Variants in CLSTN2 observed in about 807,000 individuals in gnomAD.
CLSTN2 encodes the protein calsyntenin-2.
CLSTN2 carries 48 observed loss-of-function variants against 101.2 expected under a neutral mutation model. The ratio of observed to expected loss-of-function variants is 0.47; its 90% CI spans 0.38 to 0.60. The LOEUF is 0.60. Among genes scored for constraint, CLSTN2 ranks in the 20% least tolerant of loss-of-function variants. The pLI is 0.00. For synonymous variants in CLSTN2, 481 were observed against 463.6 expected (o/e 1.04, Z -0.48); for missense variants, 1,160 against 1,238.2 (o/e 0.94, Z 0.95).
In CLSTN2 at chr3:140,165,944, T is replaced by C. The variant is rs151073445; in HGVS notation, c.110-10007T>C. Among the ~76,000 whole-genome samples the C allele has an allele frequency of 6.7e-4, 102 of 152,280 alleles. No homozygotes were observed. In the East Asian group the frequency reaches 0.017, roughly 25 times the overall value. ...ACACCCCACAGAAGGCTGATGAGTC[T>C]GTGAAAAGTGAGCAGGGGATGGGCT... On this transcript the variant is annotated intron_variant, in intron 1 of 16. Coordinates refer to ENST00000458420, the MANE Select transcript of CLSTN2 (RefSeq NM_022131.3).
intron 1 of CLSTN2, among the ~76,000 whole-genome samples, chr3:140,048,890 C>G (rs1359838197): frequency 6.6e-6 from 1 of 152,222 alleles, no homozygotes; most frequent in East Asian, 1.9e-4. Flanking sequence ...CTCTCCCAGA[C>G]TCTCACTTCC....
At chr3:140,123,654 A>C (rs1460785648) in intron 1 of CLSTN2, among the ~76,000 whole-genome samples, 1 of 152,072 alleles carries the variant, frequency 6.6e-6, no homozygotes, top group Non-Finnish European at 1.5e-5. Flanking sequence ...ATTTTTGCAC[A>C]ATTTTGGAGG....
chr3:140,316,329 T>C (rs764580365), intron 2 of CLSTN2, among the ~76,000 whole-genome samples: 10 of 152,176 alleles, frequency 6.6e-5, no homozygotes, highest in Non-Finnish European at 1.3e-4. Context: ...GTGCCAACAA[T>C]GACAGCTGTT....
At chr3:140,524,004 A>AT (rs1935087663) in intron 8 of CLSTN2, among the ~76,000 whole-genome samples, 2 of 152,188 alleles carry the variant, frequency 1.3e-5, no homozygotes, top group African/African-American at 4.8e-5. Context: ...TCTAGTGGGT[A>AT]TTGTAAGCAC....
intron 2 of CLSTN2, among the ~76,000 whole-genome samples, chr3:140,292,424 A>G (rs557253053): frequency 1.2e-4 from 18 of 152,318 alleles, no homozygotes; most frequent in Non-Finnish European, 2.1e-4. Context: ...AGAGCCCCCA[A>G]TGTGCAGGAA....
At chr3:140,171,077 A>G (rs965487567) in intron 1 of CLSTN2, among the ~76,000 whole-genome samples, 2 of 151,904 alleles carry the variant, frequency 1.3e-5, no homozygotes, top group African/African-American at 4.8e-5. Context: ...AATTAAGGGG[A>G]AAAAAAGATT....
intron 5 of CLSTN2, among the ~76,000 whole-genome samples, chr3:140,441,556 G>A (rs9872654): frequency 2.6e-5 from 4 of 152,036 alleles, no homozygotes; most frequent in Non-Finnish European, 4.4e-5. Flanking sequence ...AGTAACTGCC[G>A]AAGGTGCAGC....
intron 2 of CLSTN2, among the ~76,000 whole-genome samples, chr3:140,314,649 C>T (rs562585086): frequency 1.1e-3 from 173 of 152,134 alleles, no homozygotes; most frequent in African/African-American, 3.4e-3. Context: ...CTTTTGCATA[C>T]GAATCTGGAT....
chr3:139,977,563 G>A (rs908239841), intron 1 of CLSTN2, among the ~76,000 whole-genome samples: 1 of 152,182 alleles, frequency 6.6e-6, no homozygotes, highest in Non-Finnish European at 1.5e-5. Flanking sequence ...GCTAGATTAA[G>A]TATTTTGGCA....
At chr3:140,193,934 T>G (rs1576462589) in intron 2 of CLSTN2, among the ~76,000 whole-genome samples, 1 of 152,280 alleles carries the variant, frequency 6.6e-6, no homozygotes, top group South Asian at 2.1e-4. Flanking sequence ...AGGTTTCTAC[T>G]TAGGTTATTT....
At chr3:140,182,577 G>T (rs949117189) in intron 2 of CLSTN2, among the ~76,000 whole-genome samples, 3 of 152,176 alleles carry the variant, frequency 2.0e-5, no homozygotes, top group Non-Finnish European at 4.4e-5. Flanking sequence ...TTGTTTGGGG[G>T]CCATTCCTGA....
At chr3:140,558,223 G>C in intron 11 of CLSTN2, among the ~76,000 whole-genome samples, 1 of 152,228 alleles carries the variant, frequency 6.6e-6, no homozygotes, top group South Asian at 2.1e-4. Flanking sequence ...GAGATATATC[G>C]TATAAGCAGA....
intron 10 of CLSTN2, among the ~76,000 whole-genome samples, chr3:140,550,821 A>G (rs544022791): frequency 4.0e-5 from 6 of 151,266 alleles, no homozygotes; most frequent in Admixed American, 3.3e-4. Context: ...GAAACTTTTT[A>G]TAACCTTTTT....
At chr3:140,125,933 G>A (rs1425752891) in intron 1 of CLSTN2, among the ~76,000 whole-genome samples, 1 of 152,192 alleles carries the variant, frequency 6.6e-6, no homozygotes, top group African/African-American at 2.4e-5. Flanking sequence ...GGAAGGAAGT[G>A]AAAGTGTCAT....
At chr3:140,446,259 A>C (rs1056907697) in intron 5 of CLSTN2, among the ~76,000 whole-genome samples, 3 of 152,174 alleles carry the variant, frequency 2.0e-5, no homozygotes, top group African/African-American at 7.2e-5. Context: ...GGGATGGGCT[A>C]ATCCAGATAC....
chr3:140,081,501 G>A (rs757294371), intron 1 of CLSTN2, among the ~76,000 whole-genome samples: 4 of 152,170 alleles, frequency 2.6e-5, no homozygotes, highest in African/African-American at 7.2e-5. Context: ...AGGCGGAGAC[G>A]TTTATTTTAT....
intron 1 of CLSTN2, among the ~76,000 whole-genome samples, chr3:140,116,506 A>G (rs1012648205): frequency 6.6e-6 from 1 of 152,066 alleles, no homozygotes; most frequent in Admixed American, 6.6e-5. Context: ...TCTCCTTTTG[A>G]ACAGGGCCAG....
chr3:140,476,633 T>C (rs1307855446), intron 8 of CLSTN2, among the ~76,000 whole-genome samples: 1 of 150,646 alleles, frequency 6.6e-6, no homozygotes, highest in Non-Finnish European at 1.5e-5. Flanking sequence ...GTTCAGCTCA[T>C]CAGGAATCAT....
intron 1 of CLSTN2, among the ~76,000 whole-genome samples, chr3:140,010,636 C>A (rs1028011330): frequency 6.6e-6 from 1 of 152,128 alleles, no homozygotes; most frequent in African/African-American, 2.4e-5. Context: ...GTTATGATGT[C>A]CTCTGGACAC....
Sources: allele counts gnomAD v4.1 joint callset (sites outside exome capture counted in the v4.1 genomes callset), GRCh38; gene constraint gnomAD v4.1.1; transcripts MANE v1.5; gene names NCBI Gene and HGNC (gene_info 2026-07-23, HGNC 2026-07-21).